SMC5: variants seen among roughly 807,000 people sequenced by gnomAD.
The protein encoded by SMC5 is structural maintenance of chromosomes protein 5.
A neutral mutation model predicts 148.3 loss-of-function variants in SMC5; 88 were observed. That is an observed-to-expected ratio of 0.59 (90% CI 0.50 to 0.71). SMC5 has a LOEUF of 0.71. SMC5 is among the 30% of genes least tolerant of loss of function. The pLI is 0.00. For missense variants in SMC5, 1,142 were observed against 1,298.9 expected, an observed-to-expected ratio of 0.88 and a Z score of 1.86; for synonymous variants, 421 against 432.8, an observed-to-expected ratio of 0.97 and a Z score of 0.34.
At chr9:70,290,316 G>A (rs1191390482) in intron 8 of SMC5, among the ~76,000 whole-genome samples, 1 of 152,166 alleles carries the variant, frequency 6.6e-6, no homozygotes, top group Non-Finnish European at 1.5e-5. Context: ...CTTGTAAACA[G>A]TAGATAGTTG....
chr9:70,262,391 T>G (rs1488385992), intron 1 of SMC5, among the ~76,000 whole-genome samples: 5 of 152,200 alleles, frequency 3.3e-5, no homozygotes, highest in Admixed American at 3.3e-4. Flanking sequence ...TTTTAACAAG[T>G]GACATCAGAT....
intron 10 of SMC5, among the ~76,000 whole-genome samples, chr9:70,300,687 A>G (rs552257085): frequency 6.6e-6 from 1 of 152,138 alleles, no homozygotes; most frequent in Non-Finnish European, 1.5e-5. Context: ...TTTGTTGATG[A>G]TTGCGGGTCA....
intron 5 of SMC5, 74 bp downstream of exon 5, chr9:70,278,699 G>T: frequency 1.1e-5 from 15 of 1,418,066 alleles, no homozygotes; most frequent in Non-Finnish European, 1.4e-5. Flanking sequence ...AGAGAGAGTA[G>T]TAGTATTGAT....
At chr9:70,291,349 A>C (rs1291687465) in intron 8 of SMC5, among the ~76,000 whole-genome samples, 2 of 152,162 alleles carry the variant, frequency 1.3e-5, no homozygotes, top group Non-Finnish European at 2.9e-5. Context: ...ATTTTTCTTC[A>C]ATAAATGCTC....
At chr9:70,349,681 C>G (rs1043129383) in intron 22 of SMC5, among the ~76,000 whole-genome samples, 1 of 152,160 alleles carries the variant, frequency 6.6e-6, no homozygotes. Flanking sequence ...AACCACTTCT[C>G]TAGCACAAGA....
intron 3 of SMC5, among the ~76,000 whole-genome samples, chr9:70,269,993 A>G (rs977458475): frequency 6.6e-6 from 1 of 152,228 alleles, no homozygotes; most frequent in African/African-American, 2.4e-5. Flanking sequence ...CTTCTACACC[A>G]GATGTGTGGG....
At chr9:70,308,660 C>G (rs2035574045) in intron 11 of SMC5, among the ~76,000 whole-genome samples, 1 of 151,298 alleles carries the variant, frequency 6.6e-6, no homozygotes, top group South Asian at 2.1e-4. Flanking sequence ...CTCTATCCCA[C>G]CGTGCCTCTA....
intron 17 of SMC5, among the ~76,000 whole-genome samples, chr9:70,338,511 G>A (rs2036426598): frequency 6.6e-6 from 1 of 151,810 alleles, no homozygotes; most frequent in Middle Eastern, 3.4e-3. Context: ...TTTTGCACTC[G>A]TTTAACTGCC....
chr9:70,294,691 T>C (rs2035149106), intron 8 of SMC5, among the ~76,000 whole-genome samples: 1 of 152,156 alleles, frequency 6.6e-6, no homozygotes, highest in South Asian at 2.1e-4. Context: ...TTTGGGGGGC[T>C]TTATGATCTA....
chr9:70,347,700 A>AG lies in SMC5; in HGVS notation c.2755dup (p.Glu919GlyfsTer12). The AG allele has an allele frequency of 1.3e-6, 2 of 1,561,696 alleles. No individual in the cohort carries two copies. The highest frequency in any genetic ancestry group is 1.7e-6 in the Non-Finnish European group (2 of 1,155,968). On this transcript the variant is annotated frameshift_variant, in exon 21 of 25. Transcript: ENST00000361138. LOFTEE classifies it high-confidence loss of function. ...AAAGAAAGTTGAACTAGATCAATAC[A>AG]GGGAAAACATTTCACAGGTAATTTT...
At chr9:70,349,661 T>TA (rs2036756797) in intron 22 of SMC5, among the ~76,000 whole-genome samples, 1 of 152,174 alleles carries the variant, frequency 6.6e-6, no homozygotes, top group Non-Finnish European at 1.5e-5. Context: ...CCTCTGCAGT[T>TA]ACCATACACA....
At chr9:70,297,827 T>A in intron 8 of SMC5, 139 bp from the exon 9 acceptor site, 1 of 908,526 alleles carries the variant, frequency 1.1e-6, no homozygotes, top group Admixed American at 2.4e-5. Context: ...AATGTGCTAG[T>A]CTAATTCTCA....
At chr9:70,350,671 A>G (rs1346619862) in intron 24 of SMC5, among the ~76,000 whole-genome samples, 200 bp downstream of exon 24, 3 of 152,174 alleles carry the variant, frequency 2.0e-5, no homozygotes, top group Non-Finnish European at 2.9e-5. Context: ...TAGGAGGCAT[A>G]TTATTATGTT....
At chr9:70,318,752 A>G (rs1431721515) in intron 14 of SMC5, 42 bp from the exon 15 acceptor site, 3 of 1,553,526 alleles carry the variant, frequency 1.9e-6, no homozygotes, top group Admixed American at 2.2e-5. Context: ...TTTCACTGGA[A>G]CAGTTTTTTA....
intron 17 of SMC5, among the ~76,000 whole-genome samples, chr9:70,336,789 T>C (rs952119654): frequency 2.0e-5 from 3 of 152,228 alleles, no homozygotes; most frequent in Non-Finnish European, 4.4e-5. Context: ...AGGCAGATAC[T>C]ATTAATATGT....
intron 3 of SMC5, among the ~76,000 whole-genome samples, chr9:70,271,912 C>G (rs539098883): frequency 1.3e-5 from 2 of 152,264 alleles, no homozygotes; most frequent in East Asian, 3.9e-4. Context: ...GGAAGTCAAG[C>G]CTGTATTCAT....
At chr9:70,287,454 G>A (rs1443049014) in intron 8 of SMC5, among the ~76,000 whole-genome samples, 1 of 152,082 alleles carries the variant, frequency 6.6e-6, no homozygotes, top group African/African-American at 2.4e-5. Context: ...AAGAAAGTGG[G>A]CTCTTTTGCT....
At chr9:70,304,758 C>G (rs2035452790) in intron 10 of SMC5, among the ~76,000 whole-genome samples, 1 of 151,108 alleles carries the variant, frequency 6.6e-6, no homozygotes, top group African/African-American at 2.4e-5. Flanking sequence ...TCAGGCTTCT[C>G]TTGAGGGCTG....
chr9:70,315,138 G>T (rs950651090), intron 12 of SMC5, among the ~76,000 whole-genome samples: 2 of 151,736 alleles, frequency 1.3e-5, no homozygotes, highest in African/African-American at 4.8e-5. Context: ...TTTCCAAAAG[G>T]ACTAAATGTA....
Sources: gnomAD v4.1 joint callset for allele counts (sites outside exome capture counted in the v4.1 genomes callset) on GRCh38, gnomAD v4.1.1 for gene constraint, MANE v1.5 for transcripts, NCBI Gene and HGNC (gene_info 2026-07-23, HGNC 2026-07-21) for gene names.